CWC22: variants seen among roughly 807,000 people sequenced by gnomAD.
The protein encoded by CWC22 is pre-mRNA-splicing factor CWC22 homolog.
Under a neutral mutation model 117.2 loss-of-function variants are expected in CWC22, and 53 were observed. That is an observed-to-expected ratio of 0.45 (90% CI 0.36 to 0.57). The LOEUF (loss-of-function observed/expected upper bound fraction) is 0.57, where lower values mean the gene tolerates loss of function less well. Among genes scored for constraint, CWC22 ranks in the 20% least tolerant of loss-of-function variants. The probability of loss-of-function intolerance (pLI) is 0.00; values close to 1 mark genes in which losing one functional copy is unlikely to be tolerated. For missense variants in CWC22, 980 were observed against 1,068.8 expected, an observed-to-expected ratio of 0.92 and a Z score of 1.16; for synonymous variants, 360 against 355.6, an observed-to-expected ratio of 1.01 and a Z score of -0.14.
chr2:179,996,280 T>A (rs1453818251), intron 1 of CWC22, among the ~76,000 whole-genome samples: 1 of 152,042 alleles, frequency 6.6e-6, no homozygotes, highest in Non-Finnish European at 1.5e-5. Context: ...GTATATAAGG[T>A]TTTTAAAGCA....
At chr2:179,970,073 A>G (rs1252165073) in intron 11 of CWC22, among the ~76,000 whole-genome samples, 1 of 152,192 alleles carries the variant, frequency 6.6e-6, no homozygotes, top group Admixed American at 6.5e-5. Flanking sequence ...AGAGGCACCA[A>G]TACTATGATT....
chr2:179,961,949 CT>C (rs900098025), intron 13 of CWC22, among the ~76,000 whole-genome samples: 43 of 152,184 alleles, frequency 2.8e-4, no homozygotes, highest in African/African-American at 1.0e-3. Flanking sequence ...GAATTACTGT[CT>C]TCTTTACATG....
At chr2:180,003,242 A>G (rs1253117015) in intron 1 of CWC22, among the ~76,000 whole-genome samples, 1 of 152,228 alleles carries the variant, frequency 6.6e-6, no homozygotes, top group African/African-American at 2.4e-5. Context: ...CCTGTGGAAC[A>G]GCTTGAAAAC....
chr2:179,960,814 G>A (rs1031612705), intron 13 of CWC22, among the ~76,000 whole-genome samples: 3 of 151,884 alleles, frequency 2.0e-5, no homozygotes, highest in South Asian at 2.1e-4. Flanking sequence ...TGTATATCAC[G>A]TGCTTAGAGA....
intron 8 of CWC22, among the ~76,000 whole-genome samples, chr2:179,972,163 G>A (rs1246094885): frequency 6.6e-6 from 1 of 152,078 alleles, no homozygotes; most frequent in Non-Finnish European, 1.5e-5. Context: ...ATTTGTAAGA[G>A]TGAAAGAATT....
At chr2:179,979,861 C>T (rs1437330808) in intron 5 of CWC22, among the ~76,000 whole-genome samples, 3 of 152,108 alleles carry the variant, frequency 2.0e-5, no homozygotes, top group Non-Finnish European at 2.9e-5. Flanking sequence ...ACTAATCAAA[C>T]GGCTACATCA....
chr2:180,005,355 A>C (rs1308828635), intron 1 of CWC22, among the ~76,000 whole-genome samples: 1 of 152,192 alleles, frequency 6.6e-6, no homozygotes, highest in Admixed American at 6.5e-5. Context: ...AGGCGGGTGG[A>C]TCACAAGGTC....
intron 1 of CWC22, among the ~76,000 whole-genome samples, chr2:180,004,696 C>A (rs1687929368): frequency 1.3e-5 from 2 of 151,606 alleles, no homozygotes; most frequent in Non-Finnish European, 1.5e-5. Flanking sequence ...CCCTCGCCCC[C>A]CTCCCCCCCA....
At chr2:179,989,017 T>C (rs2105550129) in intron 2 of CWC22, among the ~76,000 whole-genome samples, 1 of 151,974 alleles carries the variant, frequency 6.6e-6, no homozygotes, top group African/African-American at 2.4e-5. Flanking sequence ...GCTGCACCCA[T>C]CACATGAATA....
rs769782797 is a variant in CWC22 at position 179,945,132 on chromosome 2, T to C, written c.2724A>G (p.Lys908=). 1.3e-6 allele frequency: 2 copies of C among 1,584,318 alleles called. No individual in the cohort carries two copies. The highest frequency in any genetic ancestry group is 1.7e-6 in the Non-Finnish European group (2 of 1,169,706). Residue 908 remains lysine, a synonymous_variant, in exon 20 of 20, where the codon AAA becomes AAG. Coordinates refer to ENST00000410053, the MANE Select transcript of CWC22 (RefSeq NM_020943.3). The stretch of plus-strand genomic sequence containing the variant: ...CAGTTTATGTCATTTTGTAGAATTA[T>C]TTTTGTTTTGCTGGAGACTTTTCTC... ...RRREKSPAKQ[K]
At chr2:179,947,729 T>TA (rs1470586221) in intron 19 of CWC22, among the ~76,000 whole-genome samples, 3 of 152,124 alleles carry the variant, frequency 2.0e-5, no homozygotes, top group Non-Finnish European at 4.4e-5. Flanking sequence ...CTCTGATAAT[T>TA]AAAAAAACAG....
Position 179,975,413 on chromosome 2 carries a change from C to T in CWC22, c.582-1611G>A, listed in dbSNP as rs6741403. Among the ~76,000 whole-genome samples the T allele has an allele frequency of 3.9e-3, 587 of 152,210 alleles. 3 individuals carry two copies. Among genetic ancestry groups the T allele is most frequent in the African/African-American group, 0.014 (568 of 41,538 alleles). ...GGTGCCTACTCTTTCCAATTCTATT[C>T]AACATAGTACTAGAAGTCCTAGCCA... On this transcript the variant is annotated intron_variant, in intron 6 of 19. Transcript: ENST00000410053.
chr2:179,960,875 C>A (rs1686732563), intron 13 of CWC22, among the ~76,000 whole-genome samples: 1 of 151,982 alleles, frequency 6.6e-6, no homozygotes, highest in Non-Finnish European at 1.5e-5. Flanking sequence ...TCAAGTTTCT[C>A]TGCTTACATT....
At position 179,964,751 on chromosome 2, in the gene CWC22, C is replaced by G. The variant is rs531660925; in HGVS notation, c.1316-123G>C. ...ATCAATACAAATTTAATAATATTAT[C>G]TTTTTACTGTGTAAATTAGTATTTA... is the stretch of plus-strand genomic sequence containing the variant. On this transcript the variant is annotated intron_variant, in intron 12 of 19. Coordinates refer to ENST00000410053, the MANE Select transcript of CWC22 (RefSeq NM_020943.3). The G allele has an allele frequency of 1.4e-3, 803 of 556,194 alleles. 3 individuals carry two copies. The highest frequency in any genetic ancestry group is 4.8e-3 in the Middle Eastern group (10 of 2,098). The allele number at this position is 556,194 out of a possible 1,614,324, so 34.5% of individuals were successfully genotyped here.
chr2:179,946,102 C>T (rs957050792), intron 19 of CWC22, among the ~76,000 whole-genome samples: 2 of 152,022 alleles, frequency 1.3e-5, no homozygotes, highest in African/African-American at 4.8e-5. Flanking sequence ...AGGCTGGTCT[C>T]GAACTCCTGA....
intron 1 of CWC22, among the ~76,000 whole-genome samples, chr2:179,993,660 G>A (rs752836966): frequency 6.6e-6 from 1 of 151,900 alleles, no homozygotes; most frequent in Non-Finnish European, 1.5e-5. Context: ...ATGAACAAGA[G>A]AGCAAATAGA....
At chr2:179,986,100 T>C (rs147600497) in intron 4 of CWC22, among the ~76,000 whole-genome samples, 58 of 152,244 alleles carry the variant, frequency 3.8e-4, no homozygotes, top group African/African-American at 1.3e-3. Context: ...CAATGTTTCT[T>C]ACCATCTGCC....
chr2:179,982,619 G>A (rs138098229), intron 4 of CWC22, among the ~76,000 whole-genome samples: 3 of 152,224 alleles, frequency 2.0e-5, no homozygotes, highest in Admixed American at 6.5e-5. Flanking sequence ...ATTTTCATTA[G>A]AAATCTCAGA....
Position 179,998,231 on chromosome 2 carries a change from G to A in CWC22, c.-113-4777C>T, listed in dbSNP as rs531898204. Among the ~76,000 whole-genome samples, 5 of 152,218 alleles carry A rather than the reference G, an allele frequency of 3.3e-5. No homozygotes were observed. In the South Asian group the frequency reaches 1.0e-3, roughly 32 times the overall value. On this transcript the variant is annotated intron_variant, in intron 1 of 19. Coordinates refer to ENST00000410053, the MANE Select transcript of CWC22 (RefSeq NM_020943.3). ...GACCCCACAGCCTACCTACTTTATA[G>A]TGAAGAACTTAGTTGTAAATCAATT...
Sources: allele counts gnomAD v4.1 joint callset (sites outside exome capture counted in the v4.1 genomes callset), GRCh38; gene constraint gnomAD v4.1.1; transcripts MANE v1.5; gene names NCBI Gene and HGNC (gene_info 2026-07-23, HGNC 2026-07-21).